PEBP4: variants seen among roughly 807,000 people sequenced by gnomAD.
The protein encoded by PEBP4 is phosphatidylethanolamine-binding protein 4.
In PEBP4, 22 loss-of-function variants were observed where a neutral mutation model predicts 23.9. That is an observed-to-expected ratio of 0.92 (90% CI 0.66 to 1.31). The LOEUF (loss-of-function observed/expected upper bound fraction) is 1.31. Ranked by LOEUF, PEBP4 falls within the 40% of genes most tolerant of loss-of-function variation. The pLI, the probability that PEBP4 is intolerant of heterozygous loss-of-function variation, is 0.00. For missense variants in PEBP4, 324 were observed against 281.7 expected (o/e 1.15, Z -1.07); for synonymous variants, 112 against 99.3 (o/e 1.13, Z -0.76).
intron 3 of PEBP4, among the ~76,000 whole-genome samples, chr8:22,846,337 G>A (rs770062401): frequency 4.6e-5 from 7 of 152,156 alleles, no homozygotes; most frequent in Non-Finnish European, 1.0e-4. Context: ...TCTTTTGAGT[G>A]GAAAAGGGGA....
intron 1 of PEBP4, among the ~76,000 whole-genome samples, chr8:22,940,881 G>A (rs1809604410): frequency 6.6e-6 from 1 of 152,172 alleles, no homozygotes; most frequent in South Asian, 2.1e-4. Context: ...CACACAAACA[G>A]GGAAGAAGAG....
chr8:22,780,394 C>G (rs1052201930), intron 4 of PEBP4, among the ~76,000 whole-genome samples: 7 of 152,166 alleles, frequency 4.6e-5, no homozygotes, highest in Non-Finnish European at 1.0e-4. Flanking sequence ...CTTGGAGTAG[C>G]TCGTACCTTG....
At chr8:22,755,517 G>A (rs562270598) in intron 4 of PEBP4, among the ~76,000 whole-genome samples, 616 of 152,016 alleles carry the variant, frequency 4.1e-3, no homozygotes, top group Non-Finnish European at 6.4e-3. Flanking sequence ...TGTATTTTTA[G>A]TAGAGATGGG....
intron 4 of PEBP4, chr8:22,745,620 C>T (rs1051685220): frequency 1.3e-5 from 2 of 152,480 alleles, no homozygotes; most frequent in Non-Finnish European, 2.9e-5. Flanking sequence ...ATTCCCTCCC[C>T]TCACCCTACT....
At chr8:22,823,963 TTCA>T (rs1806913766) in intron 3 of PEBP4, among the ~76,000 whole-genome samples, 1 of 152,146 alleles carries the variant, frequency 6.6e-6, no homozygotes, top group Non-Finnish European at 1.5e-5. Flanking sequence ...AACAAAAGTT[TTCA>T]TGTTTATCTC....
chr8:22,787,359 G>A (rs952056911), intron 4 of PEBP4, among the ~76,000 whole-genome samples: 1 of 152,124 alleles, frequency 6.6e-6, no homozygotes, highest in African/African-American at 2.4e-5. Flanking sequence ...GAGGTCAGAG[G>A]GCAAGAATTA....
chr8:22,759,666 G>T (rs1045032080), intron 4 of PEBP4, among the ~76,000 whole-genome samples: 1 of 152,292 alleles, frequency 6.6e-6, no homozygotes, highest in South Asian at 2.1e-4. Flanking sequence ...CAGGCCAAGG[G>T]GGTTGCAATC....
At chr8:22,843,708 C>T (rs1020805909) in intron 3 of PEBP4, among the ~76,000 whole-genome samples, 2 of 152,272 alleles carry the variant, frequency 1.3e-5, no homozygotes, top group Admixed American at 6.5e-5. Context: ...GCCCCAGACA[C>T]GTGTGTTTTT....
intron 4 of PEBP4, among the ~76,000 whole-genome samples, chr8:22,761,045 G>T (rs79696771): frequency 6.6e-6 from 1 of 152,098 alleles, no homozygotes; most frequent in Admixed American, 6.5e-5. Flanking sequence ...GCGGGGAGGC[G>T]GGCATCAGAT....
intron 1 of PEBP4, 25 bp downstream of exon 1, chr8:22,927,797 AG>A: frequency 6.4e-7 from 1 of 1,568,276 alleles, no homozygotes; most frequent in South Asian, 1.1e-5. Flanking sequence ...CCCCGACCCC[AG>A]GGGCCCACTT....
chr8:22,880,613 G>A (rs1304478862), intron 3 of PEBP4: 1 of 152,404 alleles, frequency 6.6e-6, no homozygotes, highest in African/African-American at 2.4e-5. Context: ...GCAGGTGCAT[G>A]TGGGCTCTGG....
At chr8:22,890,685 G>A (rs906202171) in intron 3 of PEBP4, among the ~76,000 whole-genome samples, 7 of 152,214 alleles carry the variant, frequency 4.6e-5, no homozygotes, top group African/African-American at 9.6e-5. Flanking sequence ...CAGGCAGTGT[G>A]GCGCACAGAG....
At chr8:22,755,325 TC>T (rs1805356249) in intron 4 of PEBP4, among the ~76,000 whole-genome samples, 3 of 132,382 alleles carry the variant, frequency 2.3e-5, no homozygotes, top group Non-Finnish European at 3.2e-5. Context: ...TTTCTCTCCC[TC>T]TTTTTTTTTT....
At chr8:22,928,274 G>T (rs1182973992), upstream of PEBP4, among the ~76,000 whole-genome samples, 2 of 152,234 alleles carry the variant, frequency 1.3e-5, no homozygotes, top group South Asian at 4.1e-4. Flanking sequence ...GGTGGAGGTG[G>T]TTGGACACAG....
At chr8:22,781,931 C>T (rs922818991) in intron 4 of PEBP4, among the ~76,000 whole-genome samples, 6 of 152,216 alleles carry the variant, frequency 3.9e-5, no homozygotes, top group Non-Finnish European at 8.8e-5. Context: ...GGGCTGAAGC[C>T]ACCCACTCTG....
chr8:22,828,338 G>A (rs180842475), intron 3 of PEBP4, among the ~76,000 whole-genome samples: 192 of 152,216 alleles, frequency 1.3e-3, no homozygotes, highest in South Asian at 5.8e-3. Context: ...CCCAGCCATC[G>A]GTCCTCAACC....
Position 22,824,569 on chromosome 8 carries a change from C to T in PEBP4, c.259-6834G>A, listed in dbSNP as rs113718103. Among the ~76,000 whole-genome samples, 1,227 of 152,256 alleles carry T rather than the reference C, an allele frequency of 8.1e-3. 17 individuals carry two copies. Among genetic ancestry groups the T allele is most frequent in the African/African-American group, 0.028 (1,157 of 41,528 alleles). ...GTGCACTTTATTTTTATTATTATTA[C>T]ATTATAATCGATAATGAAATAATTA... is the stretch of plus-strand genomic sequence containing the variant. On this transcript the variant is annotated intron_variant, in intron 3 of 6. Transcript: ENST00000256404.
chr8:22,834,254 T>C (rs2128764539), intron 3 of PEBP4, among the ~76,000 whole-genome samples: 1 of 152,368 alleles, frequency 6.6e-6, no homozygotes, highest in South Asian at 2.1e-4. Context: ...GGAAATCTAG[T>C]TAAGAGCCTT....
At chr8:22,872,829 A>T (rs1808033067) in intron 3 of PEBP4, among the ~76,000 whole-genome samples, 1 of 152,138 alleles carries the variant, frequency 6.6e-6, no homozygotes, top group Non-Finnish European at 1.5e-5. Context: ...GGCATGCGCC[A>T]CCACGCCTAG....
Sources: gnomAD v4.1 joint callset for allele counts (sites outside exome capture counted in the v4.1 genomes callset) on GRCh38, gnomAD v4.1.1 for gene constraint, MANE v1.5 for transcripts, NCBI Gene and HGNC (gene_info 2026-07-23, HGNC 2026-07-21) for gene names.